CADM2: variants seen among roughly 807,000 people sequenced by gnomAD.
The protein encoded by CADM2 is immunoglobulin superfamily member 4D.
In CADM2, 12 loss-of-function variants were observed where a neutral mutation model predicts 49.8. The observed-to-expected ratio is 0.24, with a 90% CI of 0.15 to 0.39. The LOEUF (loss-of-function observed/expected upper bound fraction) is 0.39, where lower values mean the gene tolerates loss of function less well. CADM2 is among the 10% of genes least tolerant of loss of function. The probability of loss-of-function intolerance (pLI) is 1.00; values close to 1 mark genes in which losing one functional copy is unlikely to be tolerated. For synonymous variants in CADM2, 214 were observed against 175.4 expected (o/e 1.22, Z -1.74); for missense variants, 378 against 492.3 (o/e 0.77, Z 2.20).
chr3:84,998,332 T>G (rs562526590), intron 1 of CADM2, among the ~76,000 whole-genome samples: 2 of 152,278 alleles, frequency 1.3e-5, no homozygotes, highest in South Asian at 4.1e-4. Flanking sequence ...ACAAAAGGTT[T>G]TCCTGCCAGT....
rs866100402 is a variant in CADM2 at position 85,295,521 on chromosome 3, G to A, written c.61+335853G>A. On this transcript the variant is annotated intron_variant, in intron 1 of 9. Transcript: ENST00000383699. ...GTTTATTGCGGCATTATTCACAATA[G>A]CAAAGACTTGGAACCAACCCAAATA... 2.4e-4 allele frequency among the ~76,000 whole-genome samples: 36 copies of A among 152,152 alleles called. 1 individual carries two copies. The Middle Eastern group carries it at 0.017, about 72-fold the overall frequency.
chr3:85,595,346 C>A (rs1200337284), intron 1 of CADM2, among the ~76,000 whole-genome samples: 1 of 151,990 alleles, frequency 6.6e-6, no homozygotes, highest in Admixed American at 6.6e-5. Flanking sequence ...TTTATGACTT[C>A]TGATATTATC....
intron 1 of CADM2, among the ~76,000 whole-genome samples, chr3:85,364,305 G>A (rs1487299691): frequency 6.6e-6 from 1 of 152,068 alleles, no homozygotes; most frequent in African/African-American, 2.4e-5. Context: ...AATGACAACA[G>A]AACTATGACA....
chr3:85,692,925 C>T (rs1246010271), intron 1 of CADM2, among the ~76,000 whole-genome samples: 3 of 151,952 alleles, frequency 2.0e-5, no homozygotes, highest in Non-Finnish European at 4.4e-5. Flanking sequence ...TTCTGAACTC[C>T]AAAGAAAGAA....
chr3:85,025,111 T>A (rs1480025947), intron 1 of CADM2, among the ~76,000 whole-genome samples: 1 of 152,132 alleles, frequency 6.6e-6, no homozygotes, highest in East Asian at 1.9e-4. Flanking sequence ...TACTTAACAT[T>A]CCTTATTAAC....
chr3:85,969,708 C>T (rs1302170145), intron 8 of CADM2, among the ~76,000 whole-genome samples: 2 of 150,846 alleles, frequency 1.3e-5, no homozygotes, highest in African/African-American at 4.9e-5. Flanking sequence ...ACTATGACCT[C>T]CTAGGAAACA....
At chr3:85,591,185 A>G (rs2063097850) in intron 1 of CADM2, among the ~76,000 whole-genome samples, 2 of 151,902 alleles carry the variant, frequency 1.3e-5, no homozygotes, top group East Asian at 3.9e-4. Context: ...GCAGTTAAAT[A>G]TTTTGTCTTG....
intron 1 of CADM2, among the ~76,000 whole-genome samples, chr3:85,670,079 T>G (rs1230430978): frequency 6.6e-6 from 1 of 152,044 alleles, no homozygotes; most frequent in Non-Finnish European, 1.5e-5. Flanking sequence ...CTCTCTAAGG[T>G]CTCTTTCAGT....
At chr3:85,353,258 G>T (rs1465295109) in intron 1 of CADM2, among the ~76,000 whole-genome samples, 1 of 152,030 alleles carries the variant, frequency 6.6e-6, no homozygotes, top group Non-Finnish European at 1.5e-5. Context: ...CACGCAGCAG[G>T]AATCCATTCT....
intron 1 of CADM2, among the ~76,000 whole-genome samples, chr3:85,374,772 C>T (rs569447272): frequency 6.6e-6 from 1 of 152,158 alleles, no homozygotes; most frequent in African/African-American, 2.4e-5. Flanking sequence ...ACCATCAGAT[C>T]TTGTGAGACT....
chr3:85,925,508 A>G (rs985317893), intron 6 of CADM2, among the ~76,000 whole-genome samples: 1 of 152,220 alleles, frequency 6.6e-6, no homozygotes, highest in Non-Finnish European at 1.5e-5. Flanking sequence ...AATAAACTAA[A>G]CATCTTAGAA....
intron 1 of CADM2, among the ~76,000 whole-genome samples, chr3:85,559,341 G>A (rs2062034146): frequency 6.6e-6 from 1 of 151,924 alleles, no homozygotes; most frequent in Non-Finnish European, 1.5e-5. Context: ...GATAAACTTT[G>A]ATAAACAGAT....
At chr3:85,162,460 A>G (rs964946491) in intron 1 of CADM2, among the ~76,000 whole-genome samples, 1 of 152,098 alleles carries the variant, frequency 6.6e-6, no homozygotes, top group South Asian at 2.1e-4. Flanking sequence ...ATTCTCCCTG[A>G]TTTACCTTTT....
chr3:85,767,751 A>G (rs1438633206), intron 2 of CADM2, among the ~76,000 whole-genome samples: 1 of 152,160 alleles, frequency 6.6e-6, no homozygotes, highest in East Asian at 1.9e-4. Context: ...GTCTGGCCAC[A>G]TTAAAAAGTG....
chr3:85,570,301 A>G (rs17460569), intron 1 of CADM2, among the ~76,000 whole-genome samples: 9,536 of 152,260 alleles, frequency 0.063, 434 homozygotes, highest in Non-Finnish European at 0.099. Context: ...GTTAATAATT[A>G]CATATCAAAA....
At chr3:85,550,978 G>T (rs77340318) in intron 1 of CADM2, among the ~76,000 whole-genome samples, 1 of 115,276 alleles carries the variant, frequency 8.7e-6, no homozygotes, top group African/African-American at 2.6e-5. Flanking sequence ...TTGTTTGTTT[G>T]TTTATTTATT....
chr3:85,213,744 A>T (rs1347813492), intron 1 of CADM2, among the ~76,000 whole-genome samples: 1 of 151,914 alleles, frequency 6.6e-6, no homozygotes, highest in Non-Finnish European at 1.5e-5. Flanking sequence ...TTTTCTAGAC[A>T]TGTTTCATTA....
chr3:85,281,169 C>T (rs566733392), intron 1 of CADM2, among the ~76,000 whole-genome samples: 1 of 151,806 alleles, frequency 6.6e-6, no homozygotes, highest in South Asian at 2.1e-4. Flanking sequence ...TGTGGACACA[C>T]ATCAGAACAG....
intron 1 of CADM2, among the ~76,000 whole-genome samples, chr3:85,049,289 T>A (rs2035785512): frequency 6.6e-6 from 1 of 152,002 alleles, no homozygotes; most frequent in Non-Finnish European, 1.5e-5. Flanking sequence ...GTGTGAGAAG[T>A]GATGGAGATA....
Sources: gnomAD v4.1 joint callset for allele counts (sites outside exome capture counted in the v4.1 genomes callset) on GRCh38, gnomAD v4.1.1 for gene constraint, MANE v1.5 for transcripts, NCBI Gene and HGNC (gene_info 2026-07-23, HGNC 2026-07-21) for gene names.